The following AIFM2 variants were observed in gnomAD, a reference collection of about 807,000 sequenced individuals.
The protein encoded by AIFM2 is AIF family member 2, ferroptosis suppressor, also known as ferroptosis suppressor protein 1.
In AIFM2, 38 loss-of-function variants were observed where a neutral mutation model predicts 35.7. That is an observed-to-expected ratio of 1.06 (90% CI 0.82 to 1.39). The LOEUF is 1.39. Ranked by LOEUF, AIFM2 falls within the 40% of genes most tolerant of loss-of-function variation. The probability of loss-of-function intolerance (pLI) is 0.00; values close to 1 mark genes in which losing one functional copy is unlikely to be tolerated. For synonymous variants in AIFM2, 185 were observed against 203.5 expected (o/e 0.91, Z 0.77); for missense variants, 476 against 491.2 (o/e 0.97, Z 0.29).
rs2072486298 is a variant in AIFM2 at position 70,120,385 on chromosome 10, A to G, written c.507+122T>C. 6.1e-6 allele frequency: 6 copies of G among 986,984 alleles called. No individual in the cohort carries two copies. In the Admixed American group the frequency reaches 1.1e-4, roughly 18 times the overall value. The allele number at this position is 986,984 out of a possible 1,614,324, so 61.1% of individuals were successfully genotyped here. A position where few individuals can be genotyped will look rare whatever the true frequency, so the allele number is the denominator to read the frequency against. On this transcript the variant is annotated intron_variant, in intron 5 of 8. Transcript: ENST00000307864. ...ACCTTGGCACAAAACAGAAATACAC[A>G]CTCCCAGTTTATGTGAATAGAGCTC...
intron 4 of AIFM2, 122 bp from the exon 5 acceptor site, chr10:70,120,721 A>G (rs1371227198): frequency 3.7e-6 from 4 of 1,093,560 alleles, no homozygotes; most frequent in Middle Eastern, 2.6e-4. Flanking sequence ...CCCTTTCCAC[A>G]TTTTGAGTCC....
chr10:70,113,988 A>T lies in AIFM2; in HGVS notation c.*190T>A. Reference sequence around the variant, plus strand: ...TTCCAAACCCAGAAAGTATCCTCTAAGGGGGGTATTTGTTTAATACCTCTC... The same window carrying T: ...TTCCAAACCCAGAAAGTATCCTCTATGGGGGGTATTTGTTTAATACCTCTC... On this transcript the variant is annotated 3_prime_UTR_variant, in exon 9 of 9. Transcript: ENST00000307864. The T allele has an allele frequency of 1.4e-6, 1 of 703,476 alleles. No individual in the cohort carries two copies. Among genetic ancestry groups the T allele is most frequent in the Admixed American group, 3.1e-5 (1 of 31,910 alleles). 43.6% of individuals were successfully genotyped at this position (703,476 alleles called of 1,614,324 possible).
rs145619443 is a variant in AIFM2, at chr10:70,116,633, C to G, written c.758G>C (p.Arg253Pro). 3 of 1,613,692 alleles carry G rather than the reference C, an allele frequency of 1.9e-6. No individual in the cohort carries two copies. The Admixed American group carries it at 5.0e-5, about 27-fold the overall frequency. ...TGIKINSSAY[R>P]KAFESRLASS... ...GGGCACCTGCTCACCAAACGCTTTGCGGTAGGCGGAGCTGTTGATCTTGAT... is the reference window on the plus strand; with the variant it reads ...GGGCACCTGCTCACCAAACGCTTTGGGGTAGGCGGAGCTGTTGATCTTGAT... The change falls in exon 7 of 9, where the codon CGC becomes CCC. Residue 253 changes from arginine to proline, a missense_variant. Arg to Pro is a moderately radical substitution (Grantham distance 103, BLOSUM62 -2). Transcript: ENST00000307864.
rs1185167686 is a variant in AIFM2 at position 70,112,320 on chromosome 10, CTG to C, written c.*1856_*1857del. ...GCAACATTTTCCTCAGTTTGGAAAA[CTG>C]TGTCCCCACACGTAGGTCCTTCTAG... is the stretch of plus-strand genomic sequence containing the variant. On this transcript the variant is annotated 3_prime_UTR_variant, in exon 9 of 9. Transcript: ENST00000307864. The C allele has an allele frequency of 1.3e-5, 2 of 152,164 alleles. No homozygotes were observed. Among genetic ancestry groups the C allele is most frequent in the African/African-American group, 4.8e-5 (2 of 41,428 alleles). The allele number at this position is 152,164 out of a possible 1,614,324, so 9.4% of individuals were successfully genotyped here. A position where few individuals can be genotyped will look rare whatever the true frequency, so the allele number is the denominator to read the frequency against.
At position 70,117,999 on chromosome 10, in the gene AIFM2, C is replaced by A; in HGVS notation, c.508-79G>T. The A allele has an allele frequency of 4.1e-6, 4 of 968,774 alleles. No individual in the cohort carries two copies. Among genetic ancestry groups the A allele is most frequent in the Non-Finnish European group, 6.5e-6 (4 of 618,892 alleles). 60.0% of individuals were successfully genotyped at this position (968,774 alleles called of 1,614,324 possible). ...CAATCATTGCACGAACGTCCACCTCCACTCATACCTCCAGGTTACAGATGA... is the reference window on the plus strand; with the variant it reads ...CAATCATTGCACGAACGTCCACCTCAACTCATACCTCCAGGTTACAGATGA... On this transcript the variant is annotated intron_variant, in intron 5 of 8. Transcript: ENST00000307864. The surrounding 1 kb of genome is among the most constrained non-coding windows in gnomAD (Gnocchi z 4.7).
rs1223592164 is a variant in AIFM2, at chr10:70,115,099, C to T, written c.791G>A (p.Gly264Asp). 1.2e-6 allele frequency: 2 copies of T among 1,613,894 alleles called. No individual in the cohort carries two copies. Among genetic ancestry groups the T allele is most frequent in the Non-Finnish European group, 1.7e-6 (2 of 1,179,900 alleles). The change falls in exon 8 of 9, where the codon GGT becomes GAT. Residue 264 changes from glycine (G) to aspartate (D), a missense_variant. By Grantham distance (94) the Gly-to-Asp change is moderately conservative. Transcript: ENST00000307864. ...GAGGTGCTCGTTCACTCTCAGAGCA[C>T]CACTGCTGGCTAGTCTGCTCTCTGC... Reference protein sequence around the residue: ...KAFESRLASSGALRVNEHLQV... With the variant: ...KAFESRLASSDALRVNEHLQV...
rs1438754517 is a variant in AIFM2 at position 70,132,564 on chromosome 10, G to A, written c.-14+170C>T. Among the ~76,000 whole-genome samples the A allele has an allele frequency of 4.6e-5, 7 of 152,288 alleles. No individual in the cohort carries two copies. The East Asian group carries it at 1.2e-3, about 25-fold the overall frequency. On this transcript the variant is annotated intron_variant, in intron 1 of 8. Coordinates refer to ENST00000307864, the MANE Select transcript of AIFM2 (RefSeq NM_032797.6). ...TTTTTTGGGGGAGACAGAGAGGGGCGGGCCTGAGTCGAGTATCCCTCTCCT... is the reference window on the plus strand; with the variant it reads ...TTTTTTGGGGGAGACAGAGAGGGGCAGGCCTGAGTCGAGTATCCCTCTCCT...
chr10:70,125,425 ACT>A (rs1171949516), intron 1 of AIFM2, among the ~76,000 whole-genome samples: 3 of 116,298 alleles, frequency 2.6e-5, no homozygotes, highest in African/African-American at 9.8e-5. Context: ...ACATAGAGAG[ACT>A]CTGTCTCTAC....
rs1420263439 is a variant in AIFM2, at chr10:70,132,732, A to C, written c.-14+2T>G. The C allele has an allele frequency of 6.6e-6, 1 of 151,604 alleles. No individual in the cohort carries two copies. Among genetic ancestry groups the C allele is most frequent in the Non-Finnish European group, 1.5e-5 (1 of 68,222 alleles). 9.4% of individuals were successfully genotyped at this position (151,604 alleles called of 1,614,324 possible). A position where few individuals can be genotyped will look rare whatever the true frequency, so the allele number is the denominator to read the frequency against. ...AGAGCCCGCCTGGCGGCGCGATCTC[A>C]CCTGTCGGCCGCGCCCGCGCGCTCT... On this transcript the variant is annotated splice_donor_variant, in intron 1 of 8. Coordinates refer to ENST00000307864, the MANE Select transcript of AIFM2 (RefSeq NM_032797.6). LOFTEE classifies it low-confidence loss of function (5UTR_SPLICE).
intron 3 of AIFM2, among the ~76,000 whole-genome samples, 191 bp downstream of exon 3, chr10:70,123,214 T>C (rs1386812324): frequency 6.6e-6 from 1 of 152,176 alleles, no homozygotes; most frequent in Non-Finnish European, 1.5e-5. Flanking sequence ...AGACAGGGTT[T>C]TGCCATGTTG....
chr10:70,116,421 T>G (rs1393744105), intron 7 of AIFM2, among the ~76,000 whole-genome samples: 2 of 152,214 alleles, frequency 1.3e-5, no homozygotes, highest in East Asian at 1.9e-4. Flanking sequence ...CTGGTCACCT[T>G]GGCCACCTGG....
At chr10:70,122,513 G>A (rs1157821016) in intron 3 of AIFM2, among the ~76,000 whole-genome samples, 1 of 152,372 alleles carries the variant, frequency 6.6e-6, no homozygotes, top group East Asian at 1.9e-4. Flanking sequence ...CTTATCGATG[G>A]AGCTGAAGTC....
rs1048679045 is a variant in AIFM2, at chr10:70,117,487, T to G, written c.616+325A>C. ...TCCTATTTGGGGCAAATCCTTCAGA[T>G]GCACTCAAGAAAAATCATTCAGCAG... On this transcript the variant is annotated intron_variant, in intron 6 of 8. Coordinates refer to ENST00000307864, the MANE Select transcript of AIFM2 (RefSeq NM_032797.6). The surrounding 1 kb of genome is among the most constrained non-coding windows in gnomAD (Gnocchi z 4.7). Among the ~76,000 whole-genome samples, 2 of 152,118 alleles carry G rather than the reference T, an allele frequency of 1.3e-5. No individual in the cohort carries two copies. Among genetic ancestry groups the G allele is most frequent in the Middle Eastern group, 3.2e-3 (1 of 316 alleles).
chr10:70,127,140 C>T (rs2072576085), intron 1 of AIFM2, among the ~76,000 whole-genome samples: 1 of 152,224 alleles, frequency 6.6e-6, no homozygotes. Context: ...TGAGGCAGGC[C>T]GTGGGTGGCG....
intron 5 of AIFM2, 172 bp from the exon 6 acceptor site, chr10:70,118,092 G>A: frequency 1.7e-6 from 1 of 572,248 alleles, no homozygotes; most frequent in South Asian, 2.2e-5. Context: ...CTGGGCTTAA[G>A]CCCACATGTT....
intron 1 of AIFM2, among the ~76,000 whole-genome samples, chr10:70,128,441 A>T (rs920331787): frequency 6.6e-6 from 1 of 152,224 alleles, no homozygotes; most frequent in Admixed American, 6.5e-5. Context: ...TGACTGCAAC[A>T]TCTGCCTCCT....
chr10:70,122,959 T>C (rs1482729667), intron 3 of AIFM2, among the ~76,000 whole-genome samples: 1 of 152,178 alleles, frequency 6.6e-6, no homozygotes, highest in Non-Finnish European at 1.5e-5. Context: ...CAAGCCTTTG[T>C]TTATGAGGAA....
At chr10:70,130,911 C>A (rs1171118818) in intron 1 of AIFM2, among the ~76,000 whole-genome samples, 1 of 152,120 alleles carries the variant, frequency 6.6e-6, no homozygotes. Flanking sequence ...TTGCTCCCTG[C>A]CACAACACAC....
chr10:70,117,750 G>T lies in AIFM2; in HGVS notation c.616+62C>A. Reference sequence around the variant, plus strand: ...CCCTCCTGCTGGAAGCAGTCACCAAGCCTCCAAGCCACATCTCACCAGGCC... The same window carrying T: ...CCCTCCTGCTGGAAGCAGTCACCAATCCTCCAAGCCACATCTCACCAGGCC... On this transcript the variant is annotated intron_variant, in intron 6 of 8. Coordinates refer to ENST00000307864, the MANE Select transcript of AIFM2 (RefSeq NM_032797.6). The surrounding 1 kb of genome is among the most constrained non-coding windows in gnomAD (Gnocchi z 4.7). The T allele has an allele frequency of 1.5e-6, 2 of 1,378,244 alleles. No homozygotes were observed. Among genetic ancestry groups the T allele is most frequent in the Non-Finnish European group, 2.0e-6 (2 of 1,004,672 alleles). 85.4% of individuals were successfully genotyped at this position (1,378,244 alleles called of 1,614,324 possible).
Sources: gnomAD v4.1 joint callset for allele counts (sites outside exome capture counted in the v4.1 genomes callset) on GRCh38, gnomAD v4.1.1 for gene constraint, Gnocchi (gnomAD v3.1) non-coding constraint, MANE v1.5 for transcripts, NCBI Gene and HGNC (gene_info 2026-07-23, HGNC 2026-07-21) for gene names.